MLIP: variants seen among roughly 807,000 people sequenced by gnomAD.
MLIP encodes muscular LMNA interacting protein.
A neutral mutation model predicts 84.8 loss-of-function variants in MLIP; 79 were observed. That is an observed-to-expected ratio of 0.93 (90% confidence interval 0.78 to 1.12). The LOEUF (loss-of-function observed/expected upper bound fraction) is 1.12. Ranked by LOEUF, MLIP falls within the 50% of genes most tolerant of loss-of-function variation. The pLI is 0.00. For synonymous variants in MLIP, 504 were observed against 463.0 expected, an observed-to-expected ratio of 1.09 and a Z score of -1.14; for missense variants, 1,257 against 1,160.6, an observed-to-expected ratio of 1.08 and a Z score of -1.21.
chr6:54,172,713 A>G (rs533491546), intron 9 of MLIP, among the ~76,000 whole-genome samples: 98 of 151,562 alleles, frequency 6.5e-4, no homozygotes, highest in African/African-American at 2.3e-3. Context: ...TCTGGAAAAA[A>G]AAAAAGAAAA....
intron 9 of MLIP, among the ~76,000 whole-genome samples, chr6:54,181,312 C>T (rs574297203): frequency 3.9e-5 from 6 of 152,272 alleles, no homozygotes; most frequent in Non-Finnish European, 7.4e-5. Context: ...TGGGCTGGGG[C>T]GGTGGTCTGC....
At chr6:54,094,490 C>T (rs1768075313) in intron 1 of MLIP, among the ~76,000 whole-genome samples, 1 of 152,132 alleles carries the variant, frequency 6.6e-6, no homozygotes, top group Non-Finnish European at 1.5e-5. Flanking sequence ...ACCATCAGCA[C>T]TGTCAAAAGC....
chr6:54,251,853 TAA>T (rs1221639444), intron 12 of MLIP, among the ~76,000 whole-genome samples: 10 of 77,720 alleles, frequency 1.3e-4, no homozygotes, highest in African/African-American at 6.4e-4. Context: ...ATATAATATA[TAA>T]TATAAATATA....
At chr6:54,165,653 A>T (rs367877959) in intron 8 of MLIP, among the ~76,000 whole-genome samples, 14 of 152,092 alleles carry the variant, frequency 9.2e-5, no homozygotes, top group African/African-American at 3.4e-4. Flanking sequence ...TCAAGAAAGA[A>T]CTTTTTGTTT....
At chr6:54,171,380 A>C (rs1775754936) in intron 9 of MLIP, among the ~76,000 whole-genome samples, 1 of 151,618 alleles carries the variant, frequency 6.6e-6, no homozygotes, top group Non-Finnish European at 1.5e-5. Flanking sequence ...TTCCTATGTA[A>C]GAAGCTTTGT....
intron 1 of MLIP, among the ~76,000 whole-genome samples, chr6:54,024,670 T>C (rs1177133428): frequency 6.6e-6 from 1 of 152,322 alleles, no homozygotes; most frequent in Non-Finnish European, 1.5e-5. Context: ...TATGATATAA[T>C]AATGATAGGT....
chr6:54,161,001 T>C lies in MLIP; in HGVS notation c.2499+202T>C, dbSNP rs370941158. On this transcript the variant is annotated intron_variant, in intron 8 of 13. Coordinates refer to ENST00000502396, the MANE Select transcript of MLIP (RefSeq NM_001281747.2). ...GGTTTTGTTGACATTTGTTTACATGTGCACATATAATGCAAGGTAAGTGTA... is the reference window on the plus strand; with the variant it reads ...GGTTTTGTTGACATTTGTTTACATGCGCACATATAATGCAAGGTAAGTGTA... 6.6e-5 allele frequency among the ~76,000 whole-genome samples: 10 copies of C among 152,226 alleles called. No homozygotes were observed. The South Asian group carries it at 1.0e-3, about 16-fold the overall frequency.
At chr6:54,021,562 G>A (rs370291828) in intron 1 of MLIP, among the ~76,000 whole-genome samples, 2 of 152,152 alleles carry the variant, frequency 1.3e-5, no homozygotes, top group South Asian at 4.2e-4. Context: ...ATAAGACAAA[G>A]GCAAGACACA....
At chr6:54,076,789 C>T (rs539798045) in intron 1 of MLIP, among the ~76,000 whole-genome samples, 7 of 151,980 alleles carry the variant, frequency 4.6e-5, no homozygotes, top group African/African-American at 9.7e-5. Context: ...ATCATGGGGA[C>T]GGGTTGGTAT....
upstream of MLIP, among the ~76,000 whole-genome samples, chr6:54,110,714 A>G (rs1342502492): frequency 6.6e-6 from 1 of 152,242 alleles, no homozygotes; most frequent in African/African-American, 2.4e-5. Flanking sequence ...TGTAGATATT[A>G]CAGATTTGGA....
chr6:54,263,309 T>C (rs560983963), intron 13 of MLIP, among the ~76,000 whole-genome samples: 3 of 152,176 alleles, frequency 2.0e-5, no homozygotes, highest in South Asian at 2.1e-4. Flanking sequence ...AGGCTGCCTT[T>C]ATAGGACCTT....
At chr6:54,091,201 G>C (rs1384198166) in intron 1 of MLIP, among the ~76,000 whole-genome samples, 1 of 152,100 alleles carries the variant, frequency 6.6e-6, no homozygotes, top group Non-Finnish European at 1.5e-5. Context: ...TAAACCCCTG[G>C]TTGATGAGTG....
intron 1 of MLIP, among the ~76,000 whole-genome samples, chr6:54,027,721 A>G (rs948843348): frequency 1.3e-5 from 2 of 152,230 alleles, no homozygotes; most frequent in Non-Finnish European, 2.9e-5. Flanking sequence ...ATAAGGATCC[A>G]GATTTCTACT....
At chr6:54,175,006 A>G (rs1284138285) in intron 9 of MLIP, among the ~76,000 whole-genome samples, 1 of 151,936 alleles carries the variant, frequency 6.6e-6, no homozygotes, top group Non-Finnish European at 1.5e-5. Flanking sequence ...TGAAAAGACT[A>G]TCTTTTCCTT....
intron 11 of MLIP, among the ~76,000 whole-genome samples, chr6:54,210,007 C>G (rs1161194450): frequency 1.6e-4 from 8 of 48,862 alleles, no homozygotes; most frequent in Non-Finnish European, 2.9e-4. Flanking sequence ...AAAAAATTAA[C>G]TATACAGTTA....
chr6:54,084,829 C>A (rs1305921298), intron 1 of MLIP, among the ~76,000 whole-genome samples: 1 of 152,114 alleles, frequency 6.6e-6, no homozygotes, highest in East Asian at 1.9e-4. Flanking sequence ...ATAAAAGCTT[C>A]AAAAATTTGG....
chr6:54,181,398 C>T (rs1776851556), intron 9 of MLIP, among the ~76,000 whole-genome samples: 1 of 17,682 alleles, frequency 5.7e-5, no homozygotes, highest in Admixed American at 1.0e-3. Flanking sequence ...AGGCCAGGGA[C>T]TCACCCTTCA....
At chr6:54,208,993 G>T (rs901727066) in intron 11 of MLIP, among the ~76,000 whole-genome samples, 1 of 152,186 alleles carries the variant, frequency 6.6e-6, no homozygotes, top group African/African-American at 2.4e-5. Context: ...TTTGGCTCAT[G>T]AGACGTGAGA....
intron 5 of MLIP, among the ~76,000 whole-genome samples, chr6:54,159,680 A>G (rs1774411854): frequency 6.6e-6 from 1 of 152,102 alleles, no homozygotes; most frequent in African/African-American, 2.4e-5. Flanking sequence ...GGTCATACAG[A>G]AACCAGAAAG....
Sources: gnomAD v4.1 joint callset for allele counts (sites outside exome capture counted in the v4.1 genomes callset) on GRCh38, gnomAD v4.1.1 for gene constraint, MANE v1.5 for transcripts, NCBI Gene and HGNC (gene_info 2026-07-23, HGNC 2026-07-21) for gene names.